Variants in SPOCK1 observed in about 807,000 individuals in gnomAD.
SPOCK1 encodes SPARC (osteonectin), cwcv and kazal like domains proteoglycan 1.
SPOCK1 carries 23 observed loss-of-function variants against 55.3 expected under a neutral mutation model. The ratio of observed to expected loss-of-function variants is 0.42; its 90% CI spans 0.30 to 0.59. The LOEUF is 0.59. Ranked by LOEUF, SPOCK1 falls within the 20% of genes least tolerant of loss-of-function variation. SPOCK1 has a pLI of 0.22. For synonymous variants in SPOCK1, 226 were observed against 221.0 expected (o/e 1.02, Z -0.20); for missense variants, 499 against 552.5 (o/e 0.90, Z 0.97).
chr5:137,407,764 A>T (rs1752130566), intron 2 of SPOCK1, among the ~76,000 whole-genome samples: 1 of 152,184 alleles, frequency 6.6e-6, no homozygotes, highest in Admixed American at 6.5e-5. Flanking sequence ...AAGAAAACAC[A>T]AGCCACTGCG....
intron 5 of SPOCK1, among the ~76,000 whole-genome samples, chr5:137,090,164 T>C (rs1753028313): frequency 6.6e-6 from 1 of 152,208 alleles, no homozygotes; most frequent in South Asian, 2.1e-4. Flanking sequence ...GGCAAGCTGC[T>C]AGTTTAAGGT....
At chr5:137,204,212 G>A (rs1373570304) in intron 3 of SPOCK1, among the ~76,000 whole-genome samples, 1 of 151,048 alleles carries the variant, frequency 6.6e-6, no homozygotes, top group Non-Finnish European at 1.5e-5. Flanking sequence ...CTTAATAAAT[G>A]TTAGATGCTA....
Position 137,495,688 on chromosome 5 carries a change from G to A in SPOCK1, c.186+2685C>T, listed in dbSNP as rs116668136. 7.9e-3 allele frequency among the ~76,000 whole-genome samples: 1,199 copies of A among 152,388 alleles called. 13 individuals are homozygous for A. The highest frequency in any genetic ancestry group is 0.027 in the African/African-American group (1,132 of 41,590). ...GGCTGGCTGAGCAACTGCAAGATTA[G>A]CTGAGGCTTTATCGATTGTCCACTG... On this transcript the variant is annotated intron_variant, in intron 2 of 10. Transcript: ENST00000394945.
At chr5:137,043,676 T>G (rs1182967412) in intron 6 of SPOCK1, among the ~76,000 whole-genome samples, 1 of 152,194 alleles carries the variant, frequency 6.6e-6, no homozygotes, top group Non-Finnish European at 1.5e-5. Flanking sequence ...AACCCTACTC[T>G]AATCATTAGA....
intron 2 of SPOCK1, among the ~76,000 whole-genome samples, chr5:137,321,890 G>T (rs1298053642): frequency 6.6e-6 from 1 of 151,306 alleles, no homozygotes; most frequent in Non-Finnish European, 1.5e-5. Flanking sequence ...AAAAGAAAAA[G>T]AAAACTGTCA....
chr5:137,329,464 C>A (rs946376966), intron 2 of SPOCK1, among the ~76,000 whole-genome samples: 17 of 152,112 alleles, frequency 1.1e-4, no homozygotes, highest in Non-Finnish European at 2.2e-4. Context: ...AATACAGATG[C>A]CTTGCATCAC....
chr5:137,434,169 T>A (rs1332312985), intron 2 of SPOCK1, among the ~76,000 whole-genome samples: 4 of 152,200 alleles, frequency 2.6e-5, no homozygotes, highest in Non-Finnish European at 5.9e-5. Context: ...GAACACTGGT[T>A]TTTAAAAGCA....
intron 6 of SPOCK1, among the ~76,000 whole-genome samples, chr5:136,994,040 A>G (rs1013304582): frequency 6.6e-6 from 1 of 152,176 alleles, no homozygotes; most frequent in Admixed American, 6.5e-5. Context: ...CCCAGAGCTC[A>G]GGCAGAAAAG....
At position 137,491,207 on chromosome 5, in the gene SPOCK1, C is replaced by T. The variant is rs1482879861; in HGVS notation, c.186+7166G>A. On this transcript the variant is annotated intron_variant, in intron 2 of 10. Coordinates refer to ENST00000394945, the MANE Select transcript of SPOCK1 (RefSeq NM_004598.4). Reference sequence around the variant, plus strand: ...AGCTTTGGCAAGACTGGAACGTGACCTCAGGTTAATAGTGGGCACTTACAC... The same window carrying T: ...AGCTTTGGCAAGACTGGAACGTGACTTCAGGTTAATAGTGGGCACTTACAC... 3.9e-5 allele frequency among the ~76,000 whole-genome samples: 6 copies of T among 152,074 alleles called. No homozygotes were observed. The South Asian group carries it at 1.0e-3, about 26-fold the overall frequency.
intron 2 of SPOCK1, among the ~76,000 whole-genome samples, chr5:137,421,836 C>T (rs917630121): frequency 6.6e-6 from 1 of 152,136 alleles, no homozygotes; most frequent in Non-Finnish European, 1.5e-5. Flanking sequence ...TTGATCCTGT[C>T]GTTATGATGT....
chr5:137,075,475 C>G (rs1449449872), intron 5 of SPOCK1, among the ~76,000 whole-genome samples: 1 of 152,202 alleles, frequency 6.6e-6, no homozygotes, highest in Non-Finnish European at 1.5e-5. Context: ...TGTTAAAGGG[C>G]CAAGTGATCC....
chr5:137,112,790 T>A (rs1038474143), intron 4 of SPOCK1, among the ~76,000 whole-genome samples: 6 of 149,542 alleles, frequency 4.0e-5, no homozygotes, highest in Non-Finnish European at 5.9e-5. Context: ...AGGAAAACAA[T>A]GTAGCCATTG....
intron 3 of SPOCK1, among the ~76,000 whole-genome samples, chr5:137,194,392 C>T (rs764481641): frequency 9.2e-5 from 14 of 152,140 alleles, no homozygotes; most frequent in Admixed American, 2.0e-4. Context: ...GGGAACAGCT[C>T]GTACAAGGGC....
intron 2 of SPOCK1, among the ~76,000 whole-genome samples, chr5:137,495,293 G>A (rs1754275471): frequency 6.6e-6 from 1 of 152,104 alleles, no homozygotes; most frequent in Non-Finnish European, 1.5e-5. Context: ...GTCACCTCTG[G>A]CAATGTCACA....
At chr5:137,105,387 C>G (rs2127027985) in intron 5 of SPOCK1, among the ~76,000 whole-genome samples, 1 of 152,298 alleles carries the variant, frequency 6.6e-6, no homozygotes, top group African/African-American at 2.4e-5. Context: ...CCAACAGTCT[C>G]AACTCTGCTT....
intron 9 of SPOCK1, among the ~76,000 whole-genome samples, chr5:136,984,426 T>C (rs1750800959): frequency 6.8e-6 from 1 of 147,196 alleles, no homozygotes; most frequent in Non-Finnish European, 1.5e-5. Context: ...ACCTCTTTTT[T>C]TAAAAGCAAG....
intron 6 of SPOCK1, among the ~76,000 whole-genome samples, chr5:137,010,208 GC>G (rs1390549309): frequency 6.6e-6 from 1 of 152,086 alleles, no homozygotes; most frequent in Non-Finnish European, 1.5e-5. Context: ...CCTGCAGAGT[GC>G]CTGGCCAAAA....
chr5:137,130,465 T>C (rs1408336056), intron 4 of SPOCK1, among the ~76,000 whole-genome samples: 2 of 152,224 alleles, frequency 1.3e-5, no homozygotes, highest in Non-Finnish European at 2.9e-5. Flanking sequence ...CACCAAAGCA[T>C]GCACATGAGC....
chr5:137,083,878 G>A (rs1231598401), intron 5 of SPOCK1, among the ~76,000 whole-genome samples: 1 of 151,854 alleles, frequency 6.6e-6, no homozygotes, highest in African/African-American at 2.4e-5. Context: ...GAATCCTCCT[G>A]GGCTCTGGAG....
Sources: allele counts gnomAD v4.1 joint callset (sites outside exome capture counted in the v4.1 genomes callset), GRCh38; gene constraint gnomAD v4.1.1; transcripts MANE v1.5; gene names NCBI Gene and HGNC (gene_info 2026-07-23, HGNC 2026-07-21).